Variants in NOVA1 observed in about 807,000 individuals in gnomAD.
NOVA1 encodes NOVA alternative splicing regulator 1, also known as RNA-binding protein Nova-1.
NOVA1 carries 7 observed loss-of-function variants against 38.0 expected under a neutral mutation model. That is an observed-to-expected ratio of 0.18 (90% confidence interval 0.10 to 0.35). NOVA1 has a LOEUF of 0.35. Ranked by LOEUF, NOVA1 falls within the 10% of genes least tolerant of loss-of-function variation. The probability of loss-of-function intolerance (pLI) is 1.00; values close to 1 mark genes in which losing one functional copy is unlikely to be tolerated. For missense variants in NOVA1, 460 were observed against 616.0 expected (o/e 0.75, Z 2.68); for synonymous variants, 270 against 232.5 (o/e 1.16, Z -1.47).
chr14:26,539,236 T>C (rs2138588584), intron 2 of NOVA1, among the ~76,000 whole-genome samples: 1 of 152,140 alleles, frequency 6.6e-6, no homozygotes, highest in African/African-American at 2.4e-5. Context: ...AAACACTGAA[T>C]GAAGAAATGA....
intron 4 of NOVA1, among the ~76,000 whole-genome samples, chr14:26,451,310 A>G (rs1206161226): frequency 6.6e-6 from 1 of 152,132 alleles, no homozygotes; most frequent in Non-Finnish European, 1.5e-5. Context: ...TTTTTTAACA[A>G]TAAAAAAACA....
At chr14:26,493,383 T>C (rs1003994056) in intron 2 of NOVA1, among the ~76,000 whole-genome samples, 2 of 152,194 alleles carry the variant, frequency 1.3e-5, no homozygotes, top group African/African-American at 4.8e-5. Flanking sequence ...CCATAATGTA[T>C]TTCTGTTAAT....
intron 2 of NOVA1, chr14:26,594,613 C>T (rs1894063592): frequency 6.6e-6 from 1 of 151,756 alleles, no homozygotes; most frequent in African/African-American, 2.4e-5. Flanking sequence ...GAGACTTTTC[C>T]CTTAAACCTA....
At chr14:26,452,777 T>C (rs1291143092) in intron 4 of NOVA1, among the ~76,000 whole-genome samples, 1 of 152,228 alleles carries the variant, frequency 6.6e-6, no homozygotes, top group Non-Finnish European at 1.5e-5. Context: ...GAGTTATGAT[T>C]ATATTTGCTA....
intron 4 of NOVA1, among the ~76,000 whole-genome samples, chr14:26,461,066 T>A (rs1230367640): frequency 1.3e-5 from 2 of 152,188 alleles, no homozygotes; most frequent in Non-Finnish European, 2.9e-5. Context: ...ACTGCAGCTA[T>A]GGCTGCAGGG....
At chr14:26,534,514 T>C (rs73601935) in intron 2 of NOVA1, among the ~76,000 whole-genome samples, 9,073 of 152,086 alleles carry the variant, frequency 0.06, 773 homozygotes, top group African/African-American at 0.19. Context: ...AAAAAACATA[T>C]AATCACATGG....
chr14:26,504,484 CTA>C (rs1434251823), intron 2 of NOVA1, among the ~76,000 whole-genome samples: 6 of 152,134 alleles, frequency 3.9e-5, no homozygotes, highest in African/African-American at 1.4e-4. Flanking sequence ...CCTGAGAAAG[CTA>C]TCTCATTAGA....
chr14:26,559,191 T>C (rs536667534), intron 2 of NOVA1, among the ~76,000 whole-genome samples: 6 of 152,150 alleles, frequency 3.9e-5, no homozygotes, highest in Non-Finnish European at 8.8e-5. Context: ...GTCACTTCTA[T>C]GGCTATAATG....
chr14:26,589,840 A>G (rs1450688011), intron 2 of NOVA1, among the ~76,000 whole-genome samples: 3 of 151,864 alleles, frequency 2.0e-5, no homozygotes, highest in African/African-American at 7.2e-5. Flanking sequence ...TCCATATTAA[A>G]GACGTAGGAA....
chr14:26,482,106 T>C (rs1476469226), intron 2 of NOVA1, among the ~76,000 whole-genome samples: 1 of 150,558 alleles, frequency 6.6e-6, no homozygotes, highest in Non-Finnish European at 1.5e-5. Flanking sequence ...GTAGCCCCTA[T>C]ACTTTTCAGA....
At chr14:26,588,384 C>T (rs759002689) in intron 2 of NOVA1, 9 of 151,370 alleles carry the variant, frequency 5.9e-5, no homozygotes, top group Non-Finnish European at 1.2e-4. Context: ...TTATTTTCCA[C>T]ACCAAATAAT....
At chr14:26,550,596 A>C (rs1891099444) in intron 2 of NOVA1, among the ~76,000 whole-genome samples, 1 of 152,174 alleles carries the variant, frequency 6.6e-6, no homozygotes, top group Non-Finnish European at 1.5e-5. Flanking sequence ...AATCAAATTC[A>C]ATAATTATTC....
rs1326964841 is a variant in NOVA1, at chr14:26,448,940, G to A, written c.543C>T (p.Ser181=). The A allele has an allele frequency of 1.9e-6, 3 of 1,612,996 alleles. No homozygotes were observed. Among genetic ancestry groups the A allele is most frequent in the Non-Finnish European group, 2.5e-6 (3 of 1,179,396 alleles). ...CCTTCCCTATTATCAGACCTGCTGT[G>A]CTGTTGGGAACTATAATCTTTACCT... ...ANQVKIIVPN[S]TAGLIIGKGG... is the part of the protein sequence containing the mutation. Residue 181 remains serine (S), a synonymous_variant, in exon 5 of 5, where the codon AGC becomes AGT. Coordinates refer to ENST00000539517, the MANE Select transcript of NOVA1 (RefSeq NM_002515.3). The surrounding 1 kb of genome is among the most constrained non-coding windows in gnomAD (Gnocchi z 5.3).
In NOVA1 at chr14:26,513,611, T is replaced by A. The variant is rs570240025; in HGVS notation, c.281-33468A>T. On this transcript the variant is annotated intron_variant, in intron 2 of 4. Coordinates refer to ENST00000539517, the MANE Select transcript of NOVA1 (RefSeq NM_002515.3). ...AAATAAATGCTACTTATAAAATTTT[T>A]AAAAATACAATGAAAGAAAGTACAA... is the stretch of plus-strand genomic sequence containing the variant. Among the ~76,000 whole-genome samples the A allele has an allele frequency of 5.3e-5, 8 of 151,822 alleles. No individual in the cohort carries two copies. The East Asian group carries it at 7.7e-4, about 15-fold the overall frequency.
At chr14:26,492,154 C>T (rs574160385) in intron 2 of NOVA1, among the ~76,000 whole-genome samples, 2 of 152,182 alleles carry the variant, frequency 1.3e-5, no homozygotes, top group South Asian at 2.1e-4. Context: ...CTACTGTAAA[C>T]GAAATTTATT....
At chr14:26,465,299 T>A (rs2138222906) in intron 4 of NOVA1, among the ~76,000 whole-genome samples, 1 of 152,194 alleles carries the variant, frequency 6.6e-6, no homozygotes, top group South Asian at 2.1e-4. Flanking sequence ...CTCAGCCTCC[T>A]GAGCAGCTGG....
chr14:26,583,906 CACACACACACACACAT>C (rs1368466605), intron 2 of NOVA1, among the ~76,000 whole-genome samples: 1 of 149,042 alleles, frequency 6.7e-6, no homozygotes, highest in African/African-American at 2.5e-5. Context: ...CACACACACA[CACACACACACACACAT>C]ATATTGTATA....
chr14:26,528,715 G>C (rs1236541783), intron 2 of NOVA1, among the ~76,000 whole-genome samples: 1 of 152,176 alleles, frequency 6.6e-6, no homozygotes, highest in Non-Finnish European at 1.5e-5. Context: ...GCTGCTGATT[G>C]CAGGAGTGAA....
At chr14:26,513,121 C>G (rs1290219113) in intron 2 of NOVA1, among the ~76,000 whole-genome samples, 1 of 151,932 alleles carries the variant, frequency 6.6e-6, no homozygotes, top group Non-Finnish European at 1.5e-5. Context: ...GCTTTATGCA[C>G]TTTGCCTTCT....
Sources: gnomAD v4.1 joint callset for allele counts (sites outside exome capture counted in the v4.1 genomes callset) on GRCh38, gnomAD v4.1.1 for gene constraint, Gnocchi (gnomAD v3.1) non-coding constraint, MANE v1.5 for transcripts, NCBI Gene and HGNC (gene_info 2026-07-23, HGNC 2026-07-21) for gene names.